DOCK7: variants seen among roughly 807,000 people sequenced by gnomAD.
DOCK7 encodes dedicator of cytokinesis protein 7.
A neutral mutation model predicts 271.0 loss-of-function variants in DOCK7; 138 were observed. The ratio of observed to expected loss-of-function variants is 0.51; its 90% CI spans 0.44 to 0.59. The LOEUF is 0.59. Among genes scored for constraint, DOCK7 ranks in the 20% least tolerant of loss-of-function variants. The pLI is 0.00. For missense variants in DOCK7, 2,066 were observed against 2,592.4 expected (o/e 0.80, Z 4.41); for synonymous variants, 823 against 876.1 (o/e 0.94, Z 1.07).
At chr1:62,617,306 T>C (rs1176961167) in intron 14 of DOCK7, among the ~76,000 whole-genome samples, 1 of 151,960 alleles carries the variant, frequency 6.6e-6, no homozygotes, top group South Asian at 2.1e-4. Flanking sequence ...CAGTGTCTTA[T>C]AGACTGTTAG....
intron 14 of DOCK7, among the ~76,000 whole-genome samples, chr1:62,588,440 C>G (rs993473883): frequency 1.3e-5 from 2 of 152,030 alleles, no homozygotes; most frequent in African/African-American, 4.8e-5. Flanking sequence ...TATAAGATCC[C>G]CCATCTTTTC....
At position 62,506,268 on chromosome 1, in the gene DOCK7, G is replaced by A. The variant is rs116927249; in HGVS notation, c.4477-452C>T. Among the ~76,000 whole-genome samples, 43 of 152,190 alleles carry A rather than the reference G, an allele frequency of 2.8e-4. No individual in the cohort carries two copies. The East Asian group carries it at 4.3e-3, about 15-fold the overall frequency. ...TGAAGACTTTGAATCCGGCTACAGA[G>A]AGAGGTGAACAAAAGAGAAGTTACA... On this transcript the variant is annotated intron_variant, in intron 35 of 49. Transcript: ENST00000635253.
At chr1:62,463,740 G>A (rs1453958174) in intron 48 of DOCK7, among the ~76,000 whole-genome samples, 1 of 152,040 alleles carries the variant, frequency 6.6e-6, no homozygotes, top group Non-Finnish European at 1.5e-5. Context: ...GTTATTTAGG[G>A]AACCATTTAT....
chr1:62,636,859 G>A (rs1479189897), intron 7 of DOCK7, among the ~76,000 whole-genome samples: 1 of 152,094 alleles, frequency 6.6e-6, no homozygotes, highest in Non-Finnish European at 1.5e-5. Flanking sequence ...AAAGCCTAAT[G>A]ACATATTATG....
intron 29 of DOCK7, among the ~76,000 whole-genome samples, chr1:62,534,562 C>A: frequency 6.6e-6 from 1 of 152,200 alleles, no homozygotes; most frequent in South Asian, 2.1e-4. Flanking sequence ...TTACAGCAGG[C>A]TGAAATCATG....
intron 7 of DOCK7, among the ~76,000 whole-genome samples, chr1:62,644,974 A>C (rs1341262966): frequency 2.0e-5 from 3 of 152,194 alleles, no homozygotes; most frequent in African/African-American, 7.2e-5. Flanking sequence ...TTAATCAAGA[A>C]GATCATAAGT....
rs563282649 is a variant in DOCK7 at position 62,668,033 on chromosome 1, A to AAAAT, written c.39-4907_39-4904dup. On this transcript the variant is annotated intron_variant, in intron 1 of 49. Coordinates refer to ENST00000635253, the MANE Select transcript of DOCK7 (RefSeq NM_001367561.1). ...AGACTCCGTCTCAAAAAAACAAAATAAAATAAATAAATAAATAAATAGAAA... is the reference window on the plus strand; with the variant it reads ...AGACTCCGTCTCAAAAAAACAAAATAAAATAAATAAATAAATAAATAAATAGAAA... 4.5e-3 allele frequency among the ~76,000 whole-genome samples: 679 copies of AAAAT among 152,210 alleles called. 8 individuals carry two copies. In the Middle Eastern group the frequency reaches 0.048, roughly 11 times the overall value.
At position 62,528,141 on chromosome 1, in the gene DOCK7, T is replaced by C. The variant is rs1276772503; in HGVS notation, c.3936+10A>G. The C allele has an allele frequency of 1.9e-6, 3 of 1,598,484 alleles. No homozygotes were observed. Among genetic ancestry groups the C allele is most frequent in the Non-Finnish European group, 2.6e-6 (3 of 1,173,042 alleles). On this transcript the variant is annotated intron_variant, in intron 31 of 49. Transcript: ENST00000635253. Reference sequence around the variant, plus strand: ...TAGAAAAAAAAATTCTGTAGGAGGATTGTTTTTACCGTTGACGTGAGGAGG... The same window carrying C: ...TAGAAAAAAAAATTCTGTAGGAGGACTGTTTTTACCGTTGACGTGAGGAGG...
chr1:62,476,539 T>G (rs533374076), intron 44 of DOCK7, among the ~76,000 whole-genome samples: 6 of 152,206 alleles, frequency 3.9e-5, no homozygotes, highest in Non-Finnish European at 8.8e-5. Flanking sequence ...TTATTGTGGC[T>G]TGATTTCTTA....
Position 62,494,478 on chromosome 1 carries a change from C to G in DOCK7, c.5025-11G>C, listed in dbSNP as rs772520151. On this transcript the variant is annotated splice_polypyrimidine_tract_variant and intron_variant, in intron 39 of 49. Transcript: ENST00000635253. The stretch of plus-strand genomic sequence containing the variant: ...TAACCCTTGGCAATTCTAATTAGAA[C>G]AGAAATTCTTCTCCATTAGTATGTG... The G allele has an allele frequency of 1.9e-6, 3 of 1,588,404 alleles. No homozygotes were observed. Among genetic ancestry groups the G allele is most frequent in the Admixed American group, 1.7e-5 (1 of 59,182 alleles).
At chr1:62,604,531 CTG>C (rs1378619004) in intron 14 of DOCK7, 7 of 1,244,712 alleles carry the variant, frequency 5.6e-6, no homozygotes, top group East Asian at 2.4e-5. Flanking sequence ...ATCTAAAACA[CTG>C]TAATATTTAT....
At chr1:62,613,146 T>C (rs565920876) in intron 14 of DOCK7, among the ~76,000 whole-genome samples, 72 of 152,302 alleles carry the variant, frequency 4.7e-4, no homozygotes, top group African/African-American at 1.6e-3. Flanking sequence ...TTTTTCACCA[T>C]TGAGAAAGAT....
At chr1:62,456,228 T>TCATG (rs1206777553) in intron 49 of DOCK7, among the ~76,000 whole-genome samples, 1 of 152,198 alleles carries the variant, frequency 6.6e-6, no homozygotes, top group Non-Finnish European at 1.5e-5. Context: ...GACTCCCCTC[T>TCATG]CATGGGTCCA....
In DOCK7 at chr1:62,685,468, G is replaced by C. The variant is rs938538138; in HGVS notation, c.38+2759C>G. Among the ~76,000 whole-genome samples the C allele has an allele frequency of 5.9e-5, 9 of 152,306 alleles. No homozygotes were observed. The East Asian group carries it at 1.3e-3, about 23-fold the overall frequency. On this transcript the variant is annotated intron_variant, in intron 1 of 49. Coordinates refer to ENST00000635253, the MANE Select transcript of DOCK7 (RefSeq NM_001367561.1). ...AGTTAATAATGCATTACTCATAGCA[G>C]TTCTGTCTTTGGTATTCCTTCCAAG...
intron 1 of DOCK7, among the ~76,000 whole-genome samples, chr1:62,682,030 G>A (rs1224591047): frequency 1.3e-5 from 2 of 151,290 alleles, no homozygotes; most frequent in South Asian, 2.1e-4. Flanking sequence ...GAAAGAAAAG[G>A]AAGAATGTAT....
chr1:62,676,401 C>A (rs1660553215), intron 1 of DOCK7, among the ~76,000 whole-genome samples: 1 of 152,142 alleles, frequency 6.6e-6, no homozygotes, highest in African/African-American at 2.4e-5. Context: ...CAAACTGGCA[C>A]AAGGAATTTT....
At position 62,552,906 on chromosome 1, in the gene DOCK7, A is replaced by G. The variant is rs368784807; in HGVS notation, c.2597-5T>C. On this transcript the variant is annotated splice_polypyrimidine_tract_variant and splice_region_variant and intron_variant, in intron 21 of 49. Transcript: ENST00000635253. ...ATCCTCCCAAACCCCCAGGACCTAG[A>G]GTTGTATATGAAATAGCACATAATT... 1.4e-5 allele frequency: 22 copies of G among 1,581,538 alleles called. No individual in the cohort carries two copies. The highest frequency in any genetic ancestry group is 1.7e-5 in the Non-Finnish European group (20 of 1,162,386).
intron 2 of DOCK7, among the ~76,000 whole-genome samples, chr1:62,658,832 G>A (rs541724643): frequency 6.6e-6 from 1 of 151,880 alleles, no homozygotes; most frequent in Admixed American, 6.6e-5. Flanking sequence ...ATGCACCTGT[G>A]GTCCCAGCTA....
chr1:62,656,268 C>A (rs1658003041), intron 2 of DOCK7, among the ~76,000 whole-genome samples: 1 of 152,002 alleles, frequency 6.6e-6, no homozygotes, highest in African/African-American at 2.4e-5. Flanking sequence ...AATGTCCTTA[C>A]AATTTGGGAG....
Sources: gnomAD v4.1 joint callset for allele counts (sites outside exome capture counted in the v4.1 genomes callset) on GRCh38, gnomAD v4.1.1 for gene constraint, MANE v1.5 for transcripts, NCBI Gene and HGNC (gene_info 2026-07-23, HGNC 2026-07-21) for gene names.